REPS2: variants seen among roughly 807,000 people sequenced by gnomAD.
The protein encoded by REPS2 is ralBP1-associated Eps domain-containing protein 2.
REPS2 carries 23 observed loss-of-function variants against 53.6 expected under a neutral mutation model. The ratio of observed to expected loss-of-function variants is 0.43; its 90% CI spans 0.31 to 0.61. The LOEUF (loss-of-function observed/expected upper bound fraction) is 0.61, where lower values mean the gene tolerates loss of function less well. Ranked by LOEUF, REPS2 falls within the 20% of genes least tolerant of loss-of-function variation. The pLI is 0.11. For synonymous variants in REPS2, 238 were observed against 218.6 expected (o/e 1.09, Z -0.78); for missense variants, 446 against 534.9 (o/e 0.83, Z 1.64).
At chrX:17,082,654 A>G (rs73630578) in intron 13 of REPS2, among the ~76,000 whole-genome samples, 2,395 of 112,625 alleles carry the variant, frequency 0.021, 68 homozygotes, top group African/African-American at 0.073. Flanking sequence ...TAAAAAGAAC[A>G]GGCACGTATA....
chrX:17,136,578 CAG>C (rs1175196067), intron 16 of REPS2: 1 of 112,085 alleles, frequency 8.9e-6, no homozygotes, highest in African/African-American at 3.2e-5. Flanking sequence ...GAGTAGATGT[CAG>C]GGCATCTGGT....
At chrX:17,074,024 T>C in intron 11 of REPS2, 90 bp from the exon 12 acceptor site, 1 of 743,068 alleles carries the variant, frequency 1.3e-6, no homozygotes, top group Admixed American at 2.8e-5. Context: ...ACCTCACATT[T>C]ACCTGTTGAT....
chrX:17,100,380 C>G, intron 13 of REPS2: 1 of 449,594 alleles, frequency 2.2e-6, no homozygotes, highest in Non-Finnish European at 3.9e-6. Context: ...GGAATCGGTG[C>G]TGCGCTATTG....
intron 16 of REPS2, chrX:17,137,426 TGGAGAAA>T (rs1358884028): frequency 8.9e-6 from 1 of 112,078 alleles, no homozygotes; most frequent in African/African-American, 3.3e-5. Flanking sequence ...TTATCTTCTT[TGGAGAAA>T]TGTGTATTCA....
At chrX:17,185,966 T>C in the REPS2 span, among the ~76,000 whole-genome samples, 2 of 111,736 alleles carry the variant, frequency 1.8e-5, no homozygotes, top group African/African-American at 3.3e-5. Context: ...AAAAATCTTC[T>C]TAAATTGGCT....
At chrX:16,964,499 C>G (rs1328615424) in intron 1 of REPS2, among the ~76,000 whole-genome samples, 1 of 109,647 alleles carries the variant, frequency 9.1e-6, no homozygotes, top group Non-Finnish European at 1.9e-5. Context: ...TTCTATTCTA[C>G]AAAACCGCCA....
intron 1 of REPS2, among the ~76,000 whole-genome samples, chrX:16,969,149 C>T (rs1355412708): frequency 2.7e-5 from 3 of 109,982 alleles, no homozygotes; most frequent in Non-Finnish European, 5.7e-5. Flanking sequence ...AGAGACGCTC[C>T]TCACTTCCTA....
intron 8 of REPS2, among the ~76,000 whole-genome samples, chrX:17,061,448 G>T (rs2062158057): frequency 8.9e-6 from 1 of 112,263 alleles, no homozygotes; most frequent in Non-Finnish European, 1.9e-5. Flanking sequence ...CCAATGGCCA[G>T]TACTTTACTG....
Position 16,987,034 on chromosome X carries a change from C to T in REPS2, c.274-19187C>T, listed in dbSNP as rs191491188. The stretch of plus-strand genomic sequence containing the variant: ...AAATGATACTCCCACTTCAGCCTCC[C>T]CAGTAGCTGGAACTACGGGGACAAG... On this transcript the variant is annotated intron_variant, in intron 1 of 17. Transcript: ENST00000357277. 2.8e-3 allele frequency among the ~76,000 whole-genome samples: 309 copies of T among 109,159 alleles called. 2 individuals are homozygous for T. The highest frequency in any genetic ancestry group is 0.01 in the African/African-American group (300 of 29,956). The allele number at this position is 109,159 out of a possible 115,157, so 94.8% of individuals were successfully genotyped here. A position where few individuals can be genotyped will look rare whatever the true frequency, so the allele number is the denominator to read the frequency against.
chrX:16,965,110 C>T (rs2060731322), intron 1 of REPS2, among the ~76,000 whole-genome samples: 1 of 93,058 alleles, frequency 1.1e-5, no homozygotes, highest in East Asian at 3.7e-4. Flanking sequence ...CACCTCCCTC[C>T]CGGACGGGGC....
At chrX:17,068,326 T>A (rs763323208) in intron 9 of REPS2, 76 bp from the exon 10 acceptor site, 550 of 766,768 alleles carry the variant, frequency 7.2e-4, no homozygotes, top group Admixed American at 2.6e-3. Context: ...AAAAAAAAAA[T>A]TTTTTTTCAT....
intron 1 of REPS2, among the ~76,000 whole-genome samples, chrX:17,005,108 A>G (rs2061348737): frequency 9.0e-6 from 1 of 111,463 alleles, no homozygotes; most frequent in Non-Finnish European, 1.9e-5. Flanking sequence ...GTATCTTAAG[A>G]TGTGTAATGT....
Position 17,099,644 on chromosome X carries a change from G to A in REPS2, c.1517-4074G>A, listed in dbSNP as rs964744980. ...TTTAAAACACTTGGGCTGCTGCAGG[G>A]CACAGAAACGATACTGGCTCTTCAA... On this transcript the variant is annotated intron_variant, in intron 13 of 17. Transcript: ENST00000357277. 59 of 410,271 alleles carry A rather than the reference G, an allele frequency of 1.4e-4. No individual in the cohort carries two copies. The East Asian group carries it at 2.3e-3, about 16-fold the overall frequency. 33.8% of individuals were successfully genotyped at this position (410,271 alleles called of 1,213,427 possible). A position where few individuals can be genotyped will look rare whatever the true frequency, so the allele number is the denominator to read the frequency against.
At chrX:17,127,391 C>T (rs182646976) in intron 14 of REPS2, among the ~76,000 whole-genome samples, 46 of 112,297 alleles carry the variant, frequency 4.1e-4, no homozygotes, top group Non-Finnish European at 8.6e-4. Context: ...TCAGGATAAG[C>T]TCAGATCCTC....
At chrX:17,134,913 C>T (rs946529728) in intron 15 of REPS2, among the ~76,000 whole-genome samples, 6 of 111,284 alleles carry the variant, frequency 5.4e-5, no homozygotes, top group Admixed American at 9.5e-5. Context: ...TGAGCCACTG[C>T]GCCCGGCCAA....
rs1255329041 is a variant in REPS2, at chrX:16,964,699, G to A, written c.273+17565G>A. Among the ~76,000 whole-genome samples, 5 of 104,713 alleles carry A rather than the reference G, an allele frequency of 4.8e-5. No homozygotes were observed. In the East Asian group the frequency reaches 9.4e-4, roughly 20 times the overall value. 90.9% of individuals were successfully genotyped at this position (104,713 alleles called of 115,157 possible). On this transcript the variant is annotated intron_variant, in intron 1 of 17. Coordinates refer to ENST00000357277, the MANE Select transcript of REPS2 (RefSeq NM_004726.3). Reference sequence around the variant, plus strand: ...TCCCTCCTGGACGGGGCGGCTGGCCGGGCAGAGGGGCTCCTCACTTCCCAG... The same window carrying A: ...TCCCTCCTGGACGGGGCGGCTGGCCAGGCAGAGGGGCTCCTCACTTCCCAG...
chrX:17,193,537 C>T, the REPS2 span, among the ~76,000 whole-genome samples: 4 of 111,101 alleles, frequency 3.6e-5, no homozygotes, highest in Non-Finnish European at 7.5e-5. Flanking sequence ...GAAGGCTGTT[C>T]GCTCAGAGGG....
intron 14 of REPS2, among the ~76,000 whole-genome samples, chrX:17,107,206 A>T (rs1477001542): frequency 8.9e-6 from 1 of 112,322 alleles, no homozygotes; most frequent in Admixed American, 9.4e-5. Context: ...CTTTGGCAGT[A>T]CCTTTTACTG....
chrX:16,955,228 C>T (rs1240247007), intron 1 of REPS2, among the ~76,000 whole-genome samples: 1 of 111,355 alleles, frequency 9.0e-6, no homozygotes, highest in African/African-American at 3.3e-5. Flanking sequence ...ATTATTCATA[C>T]CTATCTGTTG....
Sources: gnomAD v4.1 joint callset for allele counts (sites outside exome capture counted in the v4.1 genomes callset) on GRCh38, gnomAD v4.1.1 for gene constraint, MANE v1.5 for transcripts, NCBI Gene and HGNC (gene_info 2026-07-23, HGNC 2026-07-21) for gene names.